TDRD3: variants seen among roughly 807,000 people sequenced by gnomAD.
The protein encoded by TDRD3 is tudor domain-containing protein 3.
TDRD3 carries 45 observed loss-of-function variants against 86.7 expected under a neutral mutation model. The observed-to-expected ratio is 0.52, with a 90% CI of 0.41 to 0.67. The LOEUF (loss-of-function observed/expected upper bound fraction) is 0.67, where lower values mean the gene tolerates loss of function less well. Among genes scored for constraint, TDRD3 ranks in the 30% least tolerant of loss-of-function variants. TDRD3 has a pLI of 0.00. For synonymous variants in TDRD3, 298 were observed against 301.7 expected (o/e 0.99, Z 0.13); for missense variants, 814 against 889.0 (o/e 0.92, Z 1.07).
intron 3 of TDRD3, among the ~76,000 whole-genome samples, chr13:60,449,827 T>C (rs1476157163): frequency 6.6e-6 from 1 of 152,132 alleles, no homozygotes; most frequent in Admixed American, 6.6e-5. Context: ...TTGCTGCATA[T>C]GAATATCATT....
chr13:60,528,843 A>G lies in TDRD3; in HGVS notation c.1618A>G (p.Thr540Ala). The G allele has an allele frequency of 1.2e-6, 2 of 1,613,734 alleles. No homozygotes were observed. Among genetic ancestry groups the G allele is most frequent in the Non-Finnish European group, 1.7e-6 (2 of 1,179,868 alleles). ...NQKRGKRESQ[T>A]SIPDYFYDRK... ...AAAACGTGGAAAAAGAGAAAGCCAAACATCTATTCCTGATTATTTTTATGA... is the reference window on the plus strand; with the variant it reads ...AAAACGTGGAAAAAGAGAAAGCCAAGCATCTATTCCTGATTATTTTTATGA... The change falls in exon 11 of 14, where the codon ACA (threonine) becomes GCA (alanine). Residue 540 changes from threonine (T) to alanine (A), a missense_variant. Coordinates refer to ENST00000377881, the MANE Select transcript of TDRD3 (RefSeq NM_001146070.2).
At chr13:60,529,277 C>T in intron 11 of TDRD3, 60 bp downstream of exon 11, 1 of 1,488,354 alleles carries the variant, frequency 6.7e-7, no homozygotes, top group Non-Finnish European at 8.9e-7. Context: ...TCTAGTGGGA[C>T]TTTATAGAAG....
intron 10 of TDRD3, among the ~76,000 whole-genome samples, chr13:60,523,448 C>G (rs1440829082): frequency 6.6e-6 from 1 of 152,006 alleles, no homozygotes; most frequent in Non-Finnish European, 1.5e-5. Context: ...GGAATGTTTT[C>G]TCTCAAATCA....
chr13:60,568,264 T>C (rs1427611834), intron 13 of TDRD3, among the ~76,000 whole-genome samples: 1 of 152,194 alleles, frequency 6.6e-6, no homozygotes. Context: ...GACTTCTGAA[T>C]TACTGTAGCC....
Position 60,566,212 on chromosome 13 carries a change from C to T in TDRD3, c.2119-1313C>T, listed in dbSNP as rs183693340. ...TCTTAGAAGTATTAGGGCAAAGTCA[C>T]AAAGCTTTCCCAAGCTTCAGTATTC... On this transcript the variant is annotated intron_variant, in intron 12 of 13. Transcript: ENST00000377881. Among the ~76,000 whole-genome samples, 309 of 150,580 alleles carry T rather than the reference C, an allele frequency of 2.1e-3. 4 individuals are homozygous for T. Among genetic ancestry groups the T allele is most frequent in the Admixed American group, 0.015 (225 of 15,148 alleles).
chr13:60,528,771 G>T lies in TDRD3; in HGVS notation c.1546G>T (p.Ala516Ser). 1 of 1,613,486 alleles carries T rather than the reference G, an allele frequency of 6.2e-7. No individual in the cohort carries two copies. Among genetic ancestry groups the T allele is most frequent in the Admixed American group, 1.7e-5 (1 of 59,920 alleles). The stretch of plus-strand genomic sequence containing the variant: ...AGGAAAAGGTCCCTCCTTTGCAGAG[G>T]CAAAAGAAAATCCACTTCCTCAAGG... ...RSGKGPSFAEAKENPLPQGSV... is the reference protein window; with the variant it reads ...RSGKGPSFAESKENPLPQGSV... Residue 516 changes from alanine (A) to serine (S), a missense_variant, in exon 11 of 14, where the codon GCA (alanine) becomes TCA (serine). By Grantham distance (99) the Ala-to-Ser change is moderately conservative (BLOSUM62 1). Coordinates refer to ENST00000377881, the MANE Select transcript of TDRD3 (RefSeq NM_001146070.2).
At chr13:60,466,795 TAA>T (rs36047256) in intron 4 of TDRD3, among the ~76,000 whole-genome samples, 34 of 144,576 alleles carry the variant, frequency 2.4e-4, no homozygotes, top group East Asian at 1.4e-3. Flanking sequence ...CTCTGTCTTT[TAA>T]AAAAAAAAAA....
rs922111330 is a variant in TDRD3, at chr13:60,460,596, T to C, written c.353+56T>C. 40 of 1,439,020 alleles carry C rather than the reference T, an allele frequency of 2.8e-5. 1 individual carries two copies. Among genetic ancestry groups the C allele is most frequent in the Admixed American group, 5.7e-5 (2 of 35,178 alleles). The allele number at this position is 1,439,020 out of a possible 1,614,324, so 89.1% of individuals were successfully genotyped here. On this transcript the variant is annotated intron_variant, in intron 4 of 13. Transcript: ENST00000377881. ...ACAGAATGTTGAAGGTGCTATTCAA[T>C]TGGAATAACTTAAGAATTTTGAAAA...
intron 1 of TDRD3, among the ~76,000 whole-genome samples, chr13:60,424,536 G>A (rs956178502): frequency 3.3e-5 from 5 of 151,874 alleles, no homozygotes; most frequent in African/African-American, 1.2e-4. Context: ...AATTATCTGG[G>A]CATAGTGGGA....
chr13:60,398,686 A>G (rs1042885676), intron 1 of TDRD3, among the ~76,000 whole-genome samples: 4 of 152,254 alleles, frequency 2.6e-5, no homozygotes, highest in Non-Finnish European at 5.9e-5. Flanking sequence ...TGACATAGCT[A>G]GAAAGTGGTG....
chr13:60,395,900 A>C (rs1953887178), upstream of TDRD3, among the ~76,000 whole-genome samples: 1 of 152,230 alleles, frequency 6.6e-6, no homozygotes, highest in Non-Finnish European at 1.5e-5. Flanking sequence ...CTTGTGATCT[A>C]AAATTATCTA....
intron 10 of TDRD3, among the ~76,000 whole-genome samples, chr13:60,520,271 T>C (rs1438409453): frequency 6.6e-6 from 1 of 152,226 alleles, no homozygotes; most frequent in Non-Finnish European, 1.5e-5. Flanking sequence ...TTAATTCTTG[T>C]GATCATTTTT....
At chr13:60,563,729 C>T (rs2137972394) in intron 12 of TDRD3, among the ~76,000 whole-genome samples, 1 of 152,320 alleles carries the variant, frequency 6.6e-6, no homozygotes, top group East Asian at 1.9e-4. Context: ...ATTTGTGGAA[C>T]ACAGAACCTG....
At chr13:60,471,346 T>C (rs1381458809) in intron 5 of TDRD3, among the ~76,000 whole-genome samples, 2 of 152,188 alleles carry the variant, frequency 1.3e-5, no homozygotes, top group Non-Finnish European at 2.9e-5. Flanking sequence ...TATTTGGCCA[T>C]ATATGAACAA....
chr13:60,542,268 A>C (rs947563014), intron 12 of TDRD3, among the ~76,000 whole-genome samples: 1 of 152,214 alleles, frequency 6.6e-6, no homozygotes, highest in African/African-American at 2.4e-5. Flanking sequence ...AAGACTTGCT[A>C]ATATACTCAG....
chr13:60,469,260 A>G (rs892058597), intron 5 of TDRD3, among the ~76,000 whole-genome samples: 3 of 152,144 alleles, frequency 2.0e-5, no homozygotes, highest in African/African-American at 4.8e-5. Flanking sequence ...TGATCTTTTC[A>G]TATGTTGATA....
At chr13:60,556,897 A>G (rs983851588) in intron 12 of TDRD3, among the ~76,000 whole-genome samples, 2 of 152,170 alleles carry the variant, frequency 1.3e-5, no homozygotes, top group African/African-American at 4.8e-5. Flanking sequence ...AAACAGACTT[A>G]AGAAAATGTA....
At chr13:60,396,400 C>G (rs1953906452), upstream of TDRD3, 2 of 152,268 alleles carry the variant, frequency 1.3e-5, no homozygotes, top group Admixed American at 1.3e-4. Context: ...GACGCCCAAT[C>G]GCGCGGTAGC....
intron 11 of TDRD3, among the ~76,000 whole-genome samples, chr13:60,533,858 T>C (rs1222823994): frequency 6.6e-6 from 1 of 152,160 alleles, no homozygotes. Flanking sequence ...ATTTAACAGA[T>C]AAATAGAGCT....
Sources: allele counts gnomAD v4.1 joint callset (sites outside exome capture counted in the v4.1 genomes callset), GRCh38; gene constraint gnomAD v4.1.1; transcripts MANE v1.5; gene names NCBI Gene and HGNC (gene_info 2026-07-23, HGNC 2026-07-21).